VAT1L: variants seen among roughly 807,000 people sequenced by gnomAD.
The protein encoded by VAT1L is vesicle amine transport 1 like, also known as putative NADPH-dependent quinone oxidoreductase VAT1L.
VAT1L carries 34 observed loss-of-function variants against 44.1 expected under a neutral mutation model. The ratio of observed to expected loss-of-function variants is 0.77; its 90% CI spans 0.59 to 1.03. The LOEUF (loss-of-function observed/expected upper bound fraction) is 1.03. Ranked by LOEUF, VAT1L falls within the 50% of genes least tolerant of loss-of-function variation. The pLI is 0.00. For synonymous variants in VAT1L, 253 were observed against 202.2 expected, an observed-to-expected ratio of 1.25 and a Z score of -2.13; for missense variants, 615 against 538.8, an observed-to-expected ratio of 1.14 and a Z score of -1.40.
intron 7 of VAT1L, among the ~76,000 whole-genome samples, chr16:77,899,067 A>G (rs1597089118): frequency 6.6e-6 from 1 of 152,230 alleles, no homozygotes. Flanking sequence ...ATATCTGCCC[A>G]GAGCCAGGCA....
chr16:77,801,528 T>C (rs1376341929), intron 1 of VAT1L: 1 of 152,156 alleles, frequency 6.6e-6, no homozygotes, highest in Non-Finnish European at 1.5e-5. Context: ...CCAGAATACA[T>C]AGCTGCCCTT....
At chr16:77,915,359 G>C (rs1327633593) in intron 7 of VAT1L, among the ~76,000 whole-genome samples, 3 of 152,180 alleles carry the variant, frequency 2.0e-5, no homozygotes, top group Admixed American at 6.6e-5. Context: ...TTTTCAGAGA[G>C]TCAGTTATTA....
chr16:77,953,895 C>T (rs973388419), intron 7 of VAT1L, among the ~76,000 whole-genome samples: 1 of 152,176 alleles, frequency 6.6e-6, no homozygotes, highest in African/African-American at 2.4e-5. Flanking sequence ...AGCCCACCTA[C>T]TGCATTTCCA....
chr16:77,898,468 T>G (rs1306689407), intron 7 of VAT1L, among the ~76,000 whole-genome samples: 1 of 152,142 alleles, frequency 6.6e-6, no homozygotes, highest in Non-Finnish European at 1.5e-5. Flanking sequence ...TAAGTTCAAG[T>G]CTCCCCTCCT....
intron 7 of VAT1L, among the ~76,000 whole-genome samples, chr16:77,969,606 G>C (rs1393373911): frequency 1.3e-5 from 2 of 152,146 alleles, no homozygotes; most frequent in Non-Finnish European, 2.9e-5. Context: ...GGGACTGCAA[G>C]ATGGAAGTCA....
At chr16:77,819,378 C>G (rs1172601330) in intron 2 of VAT1L, among the ~76,000 whole-genome samples, 1 of 150,044 alleles carries the variant, frequency 6.7e-6, no homozygotes, top group Non-Finnish European at 1.5e-5. Flanking sequence ...TTTCTTTTTT[C>G]TTTTTTTTTT....
In VAT1L at chr16:77,978,176, G is replaced by A. The variant is rs435730; in HGVS notation, c.*481G>A. 26,979 of 155,748 alleles carry A rather than the reference G, an allele frequency of 0.17. 2,551 individuals are homozygous for A. The highest frequency in any genetic ancestry group is 0.2 in the Middle Eastern group (59 of 302). The allele number at this position is 155,748 out of a possible 1,614,324, so 9.6% of individuals were successfully genotyped here. On this transcript the variant is annotated 3_prime_UTR_variant, in exon 9 of 9. Transcript: ENST00000302536. ...TTGGCCAGCAGAAAGAGAGTAGGCC[G>A]GATGTTTTCATGAGCCCACAAATTT...
At chr16:77,976,596 A>G (rs914876651) in intron 8 of VAT1L, among the ~76,000 whole-genome samples, 2 of 152,174 alleles carry the variant, frequency 1.3e-5, no homozygotes, top group African/African-American at 4.8e-5. Flanking sequence ...ATCAGGGGAT[A>G]AGAACAGAAA....
intron 3 of VAT1L, among the ~76,000 whole-genome samples, chr16:77,857,053 G>A (rs554339212): frequency 4.9e-4 from 74 of 152,332 alleles, no homozygotes; most frequent in South Asian, 2.5e-3. Flanking sequence ...AAAAGAAGCC[G>A]CAGCTGCTAT....
intron 4 of VAT1L, among the ~76,000 whole-genome samples, chr16:77,874,393 G>A (rs561977707): frequency 6.6e-6 from 1 of 152,168 alleles, no homozygotes; most frequent in East Asian, 1.9e-4. Flanking sequence ...GCAAGGTGAA[G>A]ACCTGACCAC....
intron 1 of VAT1L, among the ~76,000 whole-genome samples, chr16:77,812,566 A>C (rs2016284621): frequency 1.3e-5 from 2 of 152,192 alleles, no homozygotes; most frequent in African/African-American, 4.8e-5. Flanking sequence ...CAATGTTCAC[A>C]TCTATTTAAT....
chr16:77,815,781 A>C (rs2016340736), intron 1 of VAT1L, among the ~76,000 whole-genome samples: 1 of 151,416 alleles, frequency 6.6e-6, no homozygotes, highest in Admixed American at 6.6e-5. Flanking sequence ...CAGCCTGGCC[A>C]ACATGGCGAA....
intron 3 of VAT1L, among the ~76,000 whole-genome samples, chr16:77,831,596 G>A (rs1022798375): frequency 6.6e-6 from 1 of 152,020 alleles, no homozygotes; most frequent in Admixed American, 6.5e-5. Flanking sequence ...TACCTGACCG[G>A]TACTCCTCAA....
chr16:77,958,009 G>C (rs1034324133), intron 7 of VAT1L, among the ~76,000 whole-genome samples: 27 of 152,224 alleles, frequency 1.8e-4, no homozygotes, highest in Middle Eastern at 3.4e-3. Context: ...CCAGATTCAA[G>C]TGATTCTCCT....
At chr16:77,789,158 G>A (rs2015786001) in intron 1 of VAT1L, among the ~76,000 whole-genome samples, 1 of 152,168 alleles carries the variant, frequency 6.6e-6, no homozygotes, top group South Asian at 2.1e-4. Flanking sequence ...CGGGGAGAAT[G>A]CTGGCGCCCA....
At chr16:77,793,971 C>T (rs1288115895) in intron 1 of VAT1L, among the ~76,000 whole-genome samples, 2 of 152,156 alleles carry the variant, frequency 1.3e-5, no homozygotes, top group African/African-American at 4.8e-5. Context: ...TCAGTATTGC[C>T]ATCTCCAGTT....
intron 7 of VAT1L, among the ~76,000 whole-genome samples, chr16:77,909,888 C>T (rs1597094258): frequency 1.3e-5 from 2 of 152,280 alleles, no homozygotes; most frequent in African/African-American, 4.8e-5. Context: ...CCAGTCCAGC[C>T]TGCTCGCCCT....
In VAT1L at chr16:77,788,607, G is replaced by A; in HGVS notation, c.-76G>A. The A allele has an allele frequency of 6.7e-7, 1 of 1,499,124 alleles. No homozygotes were observed. Among genetic ancestry groups the A allele is most frequent in the Non-Finnish European group, 9.0e-7 (1 of 1,110,078 alleles). The allele number at this position is 1,499,124 out of a possible 1,614,324, so 92.9% of individuals were successfully genotyped here. On this transcript the variant is annotated 5_prime_UTR_variant, in exon 1 of 9. Transcript: ENST00000302536. ...CCACATTCAACAGGAGGAACCCGCG[G>A]GAGAGGAGCCCCACTCCCCCAGCGC...
intron 7 of VAT1L, among the ~76,000 whole-genome samples, chr16:77,963,725 G>T (rs2142537240): frequency 6.6e-6 from 1 of 152,012 alleles, no homozygotes; most frequent in East Asian, 1.9e-4. Context: ...AGACTCCCGT[G>T]GCTCCACAGT....
Sources: gnomAD v4.1 joint callset for allele counts (sites outside exome capture counted in the v4.1 genomes callset) on GRCh38, gnomAD v4.1.1 for gene constraint, MANE v1.5 for transcripts, NCBI Gene and HGNC (gene_info 2026-07-23, HGNC 2026-07-21) for gene names.